Variants in PSG2 observed in about 807,000 individuals in gnomAD.
PSG2 encodes pregnancy-specific beta-1-glycoprotein 2.
PSG2 carries 49 observed loss-of-function variants against 36.2 expected under a neutral mutation model. That is an observed-to-expected ratio of 1.35 (90% CI 1.08 to 1.72). PSG2 has a LOEUF of 1.72. Ranked by LOEUF, PSG2 falls within the 40% of genes most tolerant of loss-of-function variation. The pLI is 0.00. For missense variants in PSG2, 605 were observed against 407.2 expected (o/e 1.49, Z -4.18); for synonymous variants, 261 against 155.6 (o/e 1.68, Z -5.04).
At chr19:43,067,615 A>G (rs893733812) in intron 4 of PSG2, among the ~76,000 whole-genome samples, 1 of 151,402 alleles carries the variant, frequency 6.6e-6, no homozygotes, top group African/African-American at 2.4e-5. Context: ...AGCGTGGTGT[A>G]AAAACTTTCC....
intron 4 of PSG2, among the ~76,000 whole-genome samples, chr19:43,071,066 C>T (rs1416084210): frequency 3.3e-5 from 5 of 151,584 alleles, no homozygotes; most frequent in African/African-American, 4.9e-5. Context: ...CTTCTCTTCT[C>T]ATTTCCCTGC....
At chr19:43,072,517 C>T (rs1165694672) in intron 3 of PSG2, 2 of 1,611,082 alleles carry the variant, frequency 1.2e-6, no homozygotes, top group Non-Finnish European at 1.7e-6. Flanking sequence ...GACCATTTAG[C>T]CACCAAATGT....
At chr19:43,066,478 G>A in intron 5 of PSG2, 39 bp downstream of exon 5, 2 of 1,405,624 alleles carry the variant, frequency 1.4e-6, no homozygotes, top group Non-Finnish European at 2.0e-6. Flanking sequence ...ATGGCAGTCA[G>A]CTCTGCAGGA....
chr19:43,082,405 G>C, intron 1 of PSG2, 101 bp downstream of exon 1: 3 of 1,533,656 alleles, frequency 2.0e-6, no homozygotes, highest in Non-Finnish European at 2.7e-6. Context: ...CTCCCTAAGT[G>C]CTGGCTTCTT....
At position 43,075,205 on chromosome 19, in the gene PSG2, G is replaced by T. The variant is rs984913622; in HGVS notation, c.709+149C>A. Reference sequence around the variant, plus strand: ...GTGGATCAAGCCTAGGCCTATTCTGGTTTGCCTGGGGCAGAAAGTCATGGC... The same window carrying T: ...GTGGATCAAGCCTAGGCCTATTCTGTTTTGCCTGGGGCAGAAAGTCATGGC... On this transcript the variant is annotated intron_variant, in intron 3 of 5. Coordinates refer to ENST00000406487, the MANE Select transcript of PSG2 (RefSeq NM_031246.4). 1.7e-5 allele frequency: 26 copies of T among 1,540,826 alleles called. 1 individual carries two copies. The highest frequency in any genetic ancestry group is 1.3e-4 in the East Asian group (6 of 44,592).
rs1380672354 is a variant in PSG2 at position 43,081,200 on chromosome 19, C to A, written c.111G>T (p.Thr37=). The part of the protein sequence containing the change: ...FWNLPTTAQV[T]IEAQPPKVSE... ...AAACTTTTGGTGGCTGGGCTTCAAT[C>A]GTGACTTGGGCAGTGGTGGGCAGGT... The change falls in exon 2 of 6, where the codon ACG becomes ACT. Residue 37 remains threonine (T), a synonymous_variant. Coordinates refer to ENST00000406487, the MANE Select transcript of PSG2 (RefSeq NM_031246.4). The A allele has an allele frequency of 9.3e-6, 15 of 1,612,562 alleles. No individual in the cohort carries two copies. The highest frequency in any genetic ancestry group is 1.3e-5 in the Non-Finnish European group (15 of 1,179,606).
intron 3 of PSG2, chr19:43,072,255 G>A: frequency 1.3e-6 from 2 of 1,548,970 alleles, no homozygotes; most frequent in Admixed American, 3.6e-5. Context: ...CAGAAGTAAA[G>A]TTGTCTATAC....
rs141949242 is a variant in PSG2 at position 43,078,427 on chromosome 19, G to C, written c.430+2454C>G. Among the ~76,000 whole-genome samples the C allele has an allele frequency of 4.1e-3, 624 of 151,780 alleles. 24 individuals carry two copies. Among genetic ancestry groups the C allele is most frequent in the African/African-American group, 0.014 (566 of 41,186 alleles). On this transcript the variant is annotated intron_variant, in intron 2 of 5. Transcript: ENST00000406487. Reference sequence around the variant, plus strand: ...AAATTTGTAACTAATTGATCCTATAGATAACATCACTATTATAGAAGTTGA... The same window carrying C: ...AAATTTGTAACTAATTGATCCTATACATAACATCACTATTATAGAAGTTGA...
In PSG2 at chr19:43,075,552, G is replaced by A. The variant is rs1453373309; in HGVS notation, c.511C>T (p.Pro171Ser). 9.3e-6 allele frequency: 15 copies of A among 1,613,192 alleles called. No homozygotes were observed. Among genetic ancestry groups the A allele is most frequent in the Non-Finnish European group, 3.4e-6 (4 of 1,179,770 alleles). Reference sequence around the variant, plus strand: ...TGGTAGCTTGTGTCCGGAGTCTCAGGATCACAGGTTAAGATCACAGTTTCC... The same window carrying A: ...TGGTAGCTTGTGTCCGGAGTCTCAGAATCACAGGTTAAGATCACAGTTTCC... ...AMETVILTCDPETPDTSYQWW... is the reference protein window; with the variant it reads ...AMETVILTCDSETPDTSYQWW... The change falls in exon 3 of 6, where the codon CCT becomes TCT. Residue 171 changes from proline (P) to serine (S), a missense_variant. Coordinates refer to ENST00000406487, the MANE Select transcript of PSG2 (RefSeq NM_031246.4).
rs768739184 is a variant in PSG2, at chr19:43,075,389, G to C, written c.674C>G (p.Ala225Gly). 3 of 1,613,192 alleles carry C rather than the reference G, an allele frequency of 1.9e-6. No individual in the cohort carries two copies. Among genetic ancestry groups the C allele is most frequent in the Non-Finnish European group, 2.5e-6 (3 of 1,179,654 alleles). The change falls in exon 3 of 6, where the codon GCC (alanine) becomes GGC (glycine). Residue 225 changes from alanine (A) to glycine (G), a missense_variant. Ala to Gly is a moderately conservative substitution (Grantham distance 60). Coordinates refer to ENST00000406487, the MANE Select transcript of PSG2 (RefSeq NM_031246.4). ...CAGGGTGACTGGGTCACTGCGGCTGGCACTCCCTGAGTTCCGTATTTCACA... is the reference window on the plus strand; with the variant it reads ...CAGGGTGACTGGGTCACTGCGGCTGCCACTCCCTGAGTTCCGTATTTCACA... The part of the protein sequence containing the change: ...YECEIRNSGS[A>G]SRSDPVTLNL...
rs190954485 is a variant in PSG2, at chr19:43,082,581, C to T, written c.-12G>A. Reference sequence around the variant, plus strand: ...GAGAGGGGCCCCATGGTCTCTGCTGCCTGTGTGTTCTCCTCTGTGGAGATG... The same window carrying T: ...GAGAGGGGCCCCATGGTCTCTGCTGTCTGTGTGTTCTCCTCTGTGGAGATG... On this transcript the variant is annotated 5_prime_UTR_variant, in exon 1 of 6. Transcript: ENST00000406487. 331 of 1,611,132 alleles carry T rather than the reference C, an allele frequency of 2.1e-4. 9 individuals carry two copies. The African/African-American group carries it at 3.8e-3, about 18-fold the overall frequency.
intron 3 of PSG2, among the ~76,000 whole-genome samples, chr19:43,074,646 A>G (rs1967865344): frequency 6.6e-6 from 1 of 151,662 alleles, no homozygotes; most frequent in East Asian, 1.9e-4. Flanking sequence ...CTTCCCTGAT[A>G]GCTAGATAGA....
intron 2 of PSG2, among the ~76,000 whole-genome samples, chr19:43,076,283 G>A (rs1568514947): frequency 6.6e-6 from 1 of 151,762 alleles, no homozygotes; most frequent in East Asian, 1.9e-4. Flanking sequence ...ATAGAGCAGA[G>A]TCCAAGGAAT....
rs1289511122 is a variant in PSG2, at chr19:43,066,632, A to T, written c.965-32T>A. The T allele has an allele frequency of 1.9e-6, 3 of 1,560,972 alleles. No individual in the cohort carries two copies. In the African/African-American group the frequency reaches 4.1e-5, roughly 21 times the overall value. ...TGGAAAGAAAAGTAAAGAAGGAATG[A>T]AGGTGATGTTATTTTACATGGGGGA... On this transcript the variant is annotated intron_variant, in intron 4 of 5. Transcript: ENST00000406487.
Position 43,075,772 on chromosome 19 carries a change from G to A in PSG2, c.431-140C>T, listed in dbSNP as rs150354952. 39 of 1,478,820 alleles carry A rather than the reference G, an allele frequency of 2.6e-5. 1 individual carries two copies. The East Asian group carries it at 8.4e-4, about 32-fold the overall frequency. 91.6% of individuals were successfully genotyped at this position (1,478,820 alleles called of 1,614,324 possible). A position where few individuals can be genotyped will look rare whatever the true frequency, so the allele number is the denominator to read the frequency against. ...CCCATGGCAGGTGTGTGTGTTACAA[G>A]ACAGATGCATGGCAATCTGAGGGCT... On this transcript the variant is annotated intron_variant, in intron 2 of 5. Transcript: ENST00000406487.
At chr19:43,065,562 C>A (rs1307640694) in intron 5 of PSG2, 1 of 151,560 alleles carries the variant, frequency 6.6e-6, no homozygotes, top group Admixed American at 6.6e-5. Flanking sequence ...TCCAGTGATT[C>A]CAATGTGTAG....
chr19:43,080,225 C>A (rs1967952331), intron 2 of PSG2, among the ~76,000 whole-genome samples: 1 of 151,774 alleles, frequency 6.6e-6, no homozygotes, highest in South Asian at 2.1e-4. Context: ...CCTAAGCCTC[C>A]TAAGGCAGTT....
chr19:43,073,875 T>C (rs1967854035), intron 3 of PSG2, among the ~76,000 whole-genome samples: 1 of 151,782 alleles, frequency 6.6e-6, no homozygotes, highest in Non-Finnish European at 1.5e-5. Flanking sequence ...CTTACTGGTT[T>C]AGCATCCCAA....
At chr19:43,072,503 C>A (rs914704433) in intron 3 of PSG2, 1 of 1,611,240 alleles carries the variant, frequency 6.2e-7, no homozygotes, top group Non-Finnish European at 8.5e-7. Context: ...GACCGGGAGG[C>A]TCTGACCATT....
Sources: gnomAD v4.1 joint callset for allele counts (sites outside exome capture counted in the v4.1 genomes callset) on GRCh38, gnomAD v4.1.1 for gene constraint, MANE v1.5 for transcripts, NCBI Gene and HGNC (gene_info 2026-07-23, HGNC 2026-07-21) for gene names.